Variants in CCDC149 observed in about 807,000 individuals in gnomAD.
The protein encoded by CCDC149 is coiled-coil domain-containing protein 149.
A neutral mutation model predicts 59.9 loss-of-function variants in CCDC149; 45 were observed. That is an observed-to-expected ratio of 0.75 (90% CI 0.59 to 0.96). The LOEUF is 0.96. CCDC149 is among the 40% of genes least tolerant of loss of function. The probability of loss-of-function intolerance (pLI) is 0.00; values close to 1 mark genes in which losing one functional copy is unlikely to be tolerated. For synonymous variants in CCDC149, 245 were observed against 260.6 expected (o/e 0.94, Z 0.58); for missense variants, 584 against 664.7 (o/e 0.88, Z 1.33).
chr4:24,933,128 A>G (rs967819881), intron 1 of CCDC149, among the ~76,000 whole-genome samples: 1 of 152,176 alleles, frequency 6.6e-6, no homozygotes, highest in African/African-American at 2.4e-5. Flanking sequence ...TGATGGAAAA[A>G]TTGGTGGGAT....
chr4:24,863,283 C>T (rs373367545), intron 3 of CCDC149, among the ~76,000 whole-genome samples: 20 of 152,244 alleles, frequency 1.3e-4, no homozygotes, highest in African/African-American at 3.9e-4. Flanking sequence ...CAGAGCAAGA[C>T]GTCACCTCAA....
chr4:24,952,548 A>T (rs1183119750), intron 1 of CCDC149, among the ~76,000 whole-genome samples: 1 of 141,262 alleles, frequency 7.1e-6, no homozygotes, highest in Non-Finnish European at 1.5e-5. Context: ...GTGAGCCAAG[A>T]TCACACTACT....
intron 4 of CCDC149, among the ~76,000 whole-genome samples, chr4:24,844,166 C>T (rs1283583699): frequency 1.3e-5 from 2 of 152,082 alleles, no homozygotes; most frequent in Admixed American, 6.6e-5. Flanking sequence ...CAGAAATAAT[C>T]GCGTTCATCT....
intron 1 of CCDC149, among the ~76,000 whole-genome samples, chr4:24,911,258 A>G (rs1394847383): frequency 6.6e-6 from 1 of 152,216 alleles, no homozygotes; most frequent in East Asian, 1.9e-4. Flanking sequence ...ACCCCATGCC[A>G]TTTAGCACTT....
Position 24,838,219 on chromosome 4 carries a change from C to T in CCDC149, c.426G>A (p.Val142=). Residue 142 remains valine (V), a synonymous_variant, in exon 5 of 13, where the codon GTG becomes GTA. Transcript: ENST00000635206. ...CACGCTCATGGGCTGCAAAGTGTCG[C>T]ACGCCGATTGCTTCGTCTCCGAGCC... is the stretch of plus-strand genomic sequence containing the variant. 1 of 1,614,208 alleles carries T rather than the reference C, an allele frequency of 6.2e-7. No homozygotes were observed. Among genetic ancestry groups the T allele is most frequent in the Non-Finnish European group, 8.5e-7 (1 of 1,180,036 alleles).
intron 1 of CCDC149, among the ~76,000 whole-genome samples, chr4:24,918,941 A>G (rs1042808608): frequency 6.6e-6 from 1 of 152,234 alleles, no homozygotes; most frequent in African/African-American, 2.4e-5. Context: ...GTTCTCTAAC[A>G]GAAACTCAAA....
intron 3 of CCDC149, among the ~76,000 whole-genome samples, chr4:24,859,801 C>T (rs1229566852): frequency 6.6e-6 from 1 of 152,176 alleles, no homozygotes; most frequent in East Asian, 1.9e-4. Context: ...TATATACCAA[C>T]AGTGGTCAAG....
At chr4:24,904,248 A>G (rs1363894858) in intron 1 of CCDC149, among the ~76,000 whole-genome samples, 1 of 152,212 alleles carries the variant, frequency 6.6e-6, no homozygotes, top group Non-Finnish European at 1.5e-5. Context: ...GGTGTTCTTA[A>G]AAAGATAGAA....
In CCDC149 at chr4:24,927,929, C is replaced by A. The variant is rs563088181; in HGVS notation, c.-64-32811G>T. Among the ~76,000 whole-genome samples, 21 of 151,408 alleles carry A rather than the reference C, an allele frequency of 1.4e-4. 1 individual carries two copies. Among genetic ancestry groups the A allele is most frequent in the Middle Eastern group, 3.4e-3 (1 of 292 alleles). ...AATCTAAGTGAATTTCTTCCTTTTG[C>A]CCCATGAATAGAGTCTAGAAGAAGG... On this transcript the variant is annotated intron_variant, in intron 1 of 12. Coordinates refer to the CCDC149 transcript ENST00000389609.
chr4:24,978,979 A>T (rs1724340770), intron 1 of CCDC149, among the ~76,000 whole-genome samples: 1 of 152,216 alleles, frequency 6.6e-6, no homozygotes, highest in Non-Finnish European at 1.5e-5. Context: ...CCCGAAAAGG[A>T]GACCCTGAGA....
intron 1 of CCDC149, among the ~76,000 whole-genome samples, chr4:24,925,041 A>G (rs1382098374): frequency 2.0e-5 from 3 of 152,172 alleles, no homozygotes; most frequent in African/African-American, 7.2e-5. Context: ...ATCTTGTCCA[A>G]GTGTAGTTGA....
chr4:24,816,376 G>C (rs566095759), intron 12 of CCDC149, among the ~76,000 whole-genome samples: 21 of 152,124 alleles, frequency 1.4e-4, no homozygotes, highest in Admixed American at 2.6e-4. Flanking sequence ...ACAAGTATGA[G>C]CCACCCTTAG....
intron 3 of CCDC149, among the ~76,000 whole-genome samples, chr4:24,860,172 C>T (rs985208101): frequency 1.3e-5 from 2 of 152,182 alleles, no homozygotes; most frequent in Non-Finnish European, 2.9e-5. Context: ...CTGGAGGCAT[C>T]ACACTACCTG....
intron 1 of CCDC149, among the ~76,000 whole-genome samples, chr4:24,906,646 C>T (rs1721555535): frequency 6.6e-6 from 1 of 152,038 alleles, no homozygotes; most frequent in Admixed American, 6.6e-5. Flanking sequence ...GATACGCCTG[C>T]CTCAGCCTCC....
intron 1 of CCDC149, among the ~76,000 whole-genome samples, chr4:24,944,710 T>C (rs1252551246): frequency 6.6e-6 from 1 of 152,152 alleles, no homozygotes; most frequent in East Asian, 1.9e-4. Flanking sequence ...TGTATACGTA[T>C]GTAACAAACC....
At chr4:24,804,831 G>A (rs191990767), downstream of CCDC149, among the ~76,000 whole-genome samples, 1 of 152,310 alleles carries the variant, frequency 6.6e-6, no homozygotes, top group East Asian at 1.9e-4. Flanking sequence ...ATGTTTGGGA[G>A]GGAGGTCACA....
intron 1 of CCDC149, among the ~76,000 whole-genome samples, chr4:24,887,163 A>G (rs1318175029): frequency 6.6e-6 from 1 of 152,006 alleles, no homozygotes; most frequent in Non-Finnish European, 1.5e-5. Flanking sequence ...TTGCTACAAC[A>G]AAGATCAAAA....
chr4:24,976,693 G>A (rs1699804552), intron 1 of CCDC149, among the ~76,000 whole-genome samples: 1 of 152,158 alleles, frequency 6.6e-6, no homozygotes, highest in African/African-American at 2.4e-5. Flanking sequence ...AGCCATCTGG[G>A]CAACAGAGCG....
chr4:24,848,143 G>A (rs1302774274), intron 4 of CCDC149, among the ~76,000 whole-genome samples: 1 of 152,138 alleles, frequency 6.6e-6, no homozygotes, highest in Non-Finnish European at 1.5e-5. Flanking sequence ...CTGCTGGAGA[G>A]ATACAAATCC....
Sources: allele counts gnomAD v4.1 joint callset (sites outside exome capture counted in the v4.1 genomes callset), GRCh38; gene constraint gnomAD v4.1.1; transcripts MANE v1.5; gene names NCBI Gene and HGNC (gene_info 2026-07-23, HGNC 2026-07-21).